Variants in ADAM23 observed in about 807,000 individuals in gnomAD.
The protein encoded by ADAM23 is ADAM metallopeptidase domain 23, also known as disintegrin and metalloproteinase domain-containing protein 23.
Under a neutral mutation model 120.1 loss-of-function variants are expected in ADAM23, and 33 were observed. The observed-to-expected ratio is 0.27, with a 90% confidence interval of 0.21 to 0.37. The LOEUF is 0.37. ADAM23 is among the 10% of genes least tolerant of loss of function. ADAM23 has a pLI of 1.00. For missense variants in ADAM23, 862 were observed against 1,058.2 expected (o/e 0.81, Z 2.57); for synonymous variants, 367 against 375.2 (o/e 0.98, Z 0.25).
At chr2:206,483,777 G>T (rs1355842515) in intron 3 of ADAM23, among the ~76,000 whole-genome samples, 3 of 152,170 alleles carry the variant, frequency 2.0e-5, no homozygotes, top group Non-Finnish European at 4.4e-5. Context: ...TGGTTGGAAA[G>T]CAGCAGTTTC....
At chr2:206,609,747 T>C in intron 24 of ADAM23, 163 bp from the exon 25 acceptor site, 1 of 586,020 alleles carries the variant, frequency 1.7e-6, no homozygotes, top group Non-Finnish European at 2.9e-6. Context: ...ACGCTCACCG[T>C]AGCATCTAAA....
intron 3 of ADAM23, among the ~76,000 whole-genome samples, chr2:206,526,173 CACACACAGACACACACAG>C (rs1239570310): frequency 8.1e-5 from 12 of 147,452 alleles, no homozygotes; most frequent in African/African-American, 2.7e-4. Context: ...CACACACACA[CACACACAGACACACACAG>C]ACACACGTCT....
intron 3 of ADAM23, among the ~76,000 whole-genome samples, chr2:206,497,253 G>A (rs1214710394): frequency 1.3e-5 from 2 of 152,024 alleles, no homozygotes; most frequent in Admixed American, 6.6e-5. Context: ...AAAATCCTCA[G>A]TAAAATACTG....
At chr2:206,540,538 C>T (rs1697269267) in intron 4 of ADAM23, among the ~76,000 whole-genome samples, 1 of 151,938 alleles carries the variant, frequency 6.6e-6, no homozygotes, top group Admixed American at 6.6e-5. Flanking sequence ...AGGATATGAA[C>T]CCACCAATAC....
At chr2:206,562,087 T>C (rs1574535240) in intron 12 of ADAM23, 116 bp from the exon 13 acceptor site, 1 of 796,940 alleles carries the variant, frequency 1.3e-6, no homozygotes, top group Non-Finnish European at 2.1e-6. Flanking sequence ...CATCTTAAGA[T>C]ACTGACAGGC....
At chr2:206,532,864 T>C (rs1352979669) in intron 4 of ADAM23, among the ~76,000 whole-genome samples, 1 of 152,138 alleles carries the variant, frequency 6.6e-6, no homozygotes, top group Non-Finnish European at 1.5e-5. Flanking sequence ...GCCTTCCAGA[T>C]ACGTTTTGAA....
At chr2:206,496,832 C>T (rs1459085212) in intron 3 of ADAM23, among the ~76,000 whole-genome samples, 1 of 152,122 alleles carries the variant, frequency 6.6e-6, no homozygotes, top group Non-Finnish European at 1.5e-5. Context: ...CACCACCGAT[C>T]CCACAGAAAT....
At chr2:206,499,576 A>T (rs1416317855) in intron 3 of ADAM23, among the ~76,000 whole-genome samples, 1 of 152,004 alleles carries the variant, frequency 6.6e-6, no homozygotes, top group Non-Finnish European at 1.5e-5. Context: ...CCAACATGGC[A>T]CATGTATACA....
intron 22 of ADAM23, among the ~76,000 whole-genome samples, chr2:206,593,169 A>G (rs781648885): frequency 1.3e-5 from 2 of 152,218 alleles, no homozygotes; most frequent in African/African-American, 2.4e-5. Flanking sequence ...CTAATCATAT[A>G]TAGAAAATAT....
chr2:206,535,689 T>C (rs976085122), intron 4 of ADAM23, among the ~76,000 whole-genome samples: 1 of 152,148 alleles, frequency 6.6e-6, no homozygotes, highest in African/African-American at 2.4e-5. Context: ...TTATGCTAAG[T>C]AAAATAAGCC....
chr2:206,450,743 T>C (rs1574473999), intron 2 of ADAM23, among the ~76,000 whole-genome samples: 1 of 152,362 alleles, frequency 6.6e-6, no homozygotes, highest in East Asian at 1.9e-4. Context: ...GTAGTTTTTG[T>C]TATTTTTATG....
chr2:206,454,267 T>TA (rs1695251501), intron 2 of ADAM23, among the ~76,000 whole-genome samples: 1 of 152,002 alleles, frequency 6.6e-6, no homozygotes, highest in South Asian at 2.1e-4. Flanking sequence ...AAGCAAGTCT[T>TA]ACCATGGCAT....
At chr2:206,524,109 A>G (rs1171091161) in intron 3 of ADAM23, among the ~76,000 whole-genome samples, 1 of 152,208 alleles carries the variant, frequency 6.6e-6, no homozygotes. Context: ...AGCAGCAGAT[A>G]ATCAGATGAC....
Position 206,589,505 on chromosome 2 carries a change from G to A in ADAM23, c.1949G>A (p.Cys650Tyr). ...CGKDGDRWIQ[C>Y]SKHDVFCGFL... is the part of the protein sequence containing the mutation. Reference sequence around the variant, plus strand: ...AAGGATGGAGACCGGTGGATTCAGTGCAGCAAACAGTGAGTGGTCAGCTCT... The same window carrying A: ...AAGGATGGAGACCGGTGGATTCAGTACAGCAAACAGTGAGTGGTCAGCTCT... The change falls in exon 21 of 26, where the codon TGC becomes TAC. Residue 650 changes from cysteine to tyrosine, a missense_variant. Physicochemically the swap from Cys to Tyr is radical, Grantham distance 194. This residue lies in a region of ADAM23 where 617 missense variants were observed against 813.5 expected (regional missense o/e 0.76). Coordinates refer to ENST00000264377, the MANE Select transcript of ADAM23 (RefSeq NM_003812.4). 1 of 1,613,194 alleles carries A rather than the reference G, an allele frequency of 6.2e-7. No homozygotes were observed. The highest frequency in any genetic ancestry group is 8.5e-7 in the Non-Finnish European group (1 of 1,179,518).
intron 2 of ADAM23, among the ~76,000 whole-genome samples, chr2:206,449,866 G>A (rs1457360331): frequency 6.6e-6 from 1 of 152,178 alleles, no homozygotes; most frequent in Non-Finnish European, 1.5e-5. Context: ...GGAGATGCAC[G>A]ATGCATAGCA....
chr2:206,549,609 T>C (rs1697470876), intron 8 of ADAM23, among the ~76,000 whole-genome samples: 1 of 151,994 alleles, frequency 6.6e-6, no homozygotes, highest in African/African-American at 2.4e-5. Context: ...CTCGAGTGAG[T>C]TAATGTTTCT....
At chr2:206,559,090 G>A (rs1179986009) in intron 10 of ADAM23, among the ~76,000 whole-genome samples, 1 of 152,012 alleles carries the variant, frequency 6.6e-6, no homozygotes, top group Non-Finnish European at 1.5e-5. Context: ...GACTACAGGC[G>A]CCCACCATCA....
At position 206,581,907 on chromosome 2, in the gene ADAM23, C is replaced by T. The variant is rs192399659; in HGVS notation, c.1738-5418C>T. Among the ~76,000 whole-genome samples the T allele has an allele frequency of 3.1e-3, 465 of 151,818 alleles. 2 individuals are homozygous for T. Among genetic ancestry groups the T allele is most frequent in the African/African-American group, 0.011 (443 of 41,370 alleles). ...TTTCTTTTTTTTTGAGATGGAGTTT[C>T]GCTCTTGTTGCCCAGGCTGGAGTGC... On this transcript the variant is annotated intron_variant, in intron 18 of 25. Coordinates refer to ENST00000264377, the MANE Select transcript of ADAM23 (RefSeq NM_003812.4).
At chr2:206,571,407 G>A (rs575829522) in intron 16 of ADAM23, among the ~76,000 whole-genome samples, 11 of 152,256 alleles carry the variant, frequency 7.2e-5, no homozygotes, top group East Asian at 1.9e-4. Flanking sequence ...CCCGGGAGGC[G>A]GAGGTTGCAG....
Sources: allele counts gnomAD v4.1 joint callset (sites outside exome capture counted in the v4.1 genomes callset), GRCh38; gene constraint gnomAD v4.1.1; regional missense constraint gnomAD v4.1.1; transcripts MANE v1.5; gene names NCBI Gene and HGNC (gene_info 2026-07-23, HGNC 2026-07-21).